Variants in PPP2R2C observed in about 807,000 individuals in gnomAD.
PPP2R2C encodes protein phosphatase 2 regulatory subunit Bgamma.
A neutral mutation model predicts 45.3 loss-of-function variants in PPP2R2C; 10 were observed. That is an observed-to-expected ratio of 0.22 (90% CI 0.14 to 0.37). PPP2R2C has a LOEUF of 0.37. PPP2R2C is among the 10% of genes least tolerant of loss of function. PPP2R2C has a pLI of 1.00. For synonymous variants in PPP2R2C, 257 were observed against 245.4 expected (o/e 1.05, Z -0.44); for missense variants, 308 against 619.7 (o/e 0.50, Z 5.34).
chr4:6,350,059 C>A (rs1712399159), intron 5 of PPP2R2C: 1 of 985,250 alleles, frequency 1.0e-6, no homozygotes, highest in Non-Finnish European at 1.2e-6. Flanking sequence ...AACTGAGAAT[C>A]ACATAAAAAT....
At chr4:6,350,028 G>A (rs564929414) in intron 5 of PPP2R2C, 31 of 985,326 alleles carry the variant, frequency 3.1e-5, no homozygotes, top group African/African-American at 3.0e-4. Context: ...CTTGCTTCCC[G>A]GAAGCACGTC....
intron 2 of PPP2R2C, among the ~76,000 whole-genome samples, chr4:6,533,493 C>T (rs1724474891): frequency 6.6e-6 from 1 of 152,184 alleles, no homozygotes; most frequent in African/African-American, 2.4e-5. Context: ...GCCTGGTACC[C>T]ACAGCCCCGA....
At chr4:6,541,617 G>A (rs1724804904) in intron 1 of PPP2R2C, among the ~76,000 whole-genome samples, 1 of 152,130 alleles carries the variant, frequency 6.6e-6, no homozygotes. Context: ...CGCGATCTCA[G>A]CTCACTGCAA....
intron 1 of PPP2R2C, among the ~76,000 whole-genome samples, chr4:6,394,067 G>A (rs1716849516): frequency 6.6e-6 from 1 of 152,206 alleles, no homozygotes; most frequent in Non-Finnish European, 1.5e-5. Context: ...CCCACCCCCA[G>A]TCACCTGGGC....
chr4:6,538,217 A>G (rs1724694065), intron 1 of PPP2R2C, among the ~76,000 whole-genome samples: 1 of 152,142 alleles, frequency 6.6e-6, no homozygotes, highest in African/African-American at 2.4e-5. Flanking sequence ...CACCCCTACA[A>G]GTTGAATGAC....
chr4:6,349,606 C>T lies in PPP2R2C; in HGVS notation c.626-1596G>A, dbSNP rs533708249. On this transcript the variant is annotated intron_variant, in intron 5 of 8. Transcript: ENST00000382599. ...TTGTAATCCCAGCACTTTGGGAGGC[C>T]GAGGCGGGCGGATCACGAGGTCAGG... The T allele has an allele frequency of 7.1e-6, 7 of 983,716 alleles. No individual in the cohort carries two copies. The South Asian group carries it at 1.9e-4, about 26-fold the overall frequency. 60.9% of individuals were successfully genotyped at this position (983,716 alleles called of 1,614,324 possible).
intron 2 of PPP2R2C, among the ~76,000 whole-genome samples, chr4:6,530,885 G>C (rs1339733039): frequency 6.6e-6 from 1 of 152,218 alleles, no homozygotes; most frequent in Non-Finnish European, 1.5e-5. Context: ...TTCTCCACCA[G>C]GCTGCTGTGC....
chr4:6,480,743 A>G (rs565497699), intron 2 of PPP2R2C, among the ~76,000 whole-genome samples: 2 of 152,330 alleles, frequency 1.3e-5, no homozygotes, highest in South Asian at 4.1e-4. Context: ...ACTGGAATAT[A>G]TACATATTTA....
At position 6,364,224 on chromosome 4, in the gene PPP2R2C, G is replaced by A. The variant is rs1714067512; in HGVS notation, c.625+8299C>T. Among the ~76,000 whole-genome samples the A allele has an allele frequency of 6.6e-6, 1 of 152,232 alleles. No individual in the cohort carries two copies. The highest frequency in any genetic ancestry group is 6.5e-5 in the Admixed American group (1 of 15,290). ...TTAAGAAGGTGTCCACTGAGTGGATGAGGATGGAGAAACTTCACAGGCGGA... is the reference window on the plus strand; with the variant it reads ...TTAAGAAGGTGTCCACTGAGTGGATAAGGATGGAGAAACTTCACAGGCGGA... On this transcript the variant is annotated intron_variant, in intron 5 of 8. Coordinates refer to ENST00000382599, the MANE Select transcript of PPP2R2C (RefSeq NM_020416.4). This position sits in a 1 kb window ranked among gnomAD's most constrained non-coding sequence, Gnocchi z 5.3.
At chr4:6,410,588 A>G (rs1246631234) in intron 1 of PPP2R2C, among the ~76,000 whole-genome samples, 1 of 152,016 alleles carries the variant, frequency 6.6e-6, no homozygotes, top group East Asian at 1.9e-4. Context: ...TGCAGCAGAA[A>G]TGTGTCTGGT....
exon 2 of PPP2R2C, chr4:6,535,309 G>T: frequency 6.5e-7 from 1 of 1,535,358 alleles, no homozygotes; most frequent in Non-Finnish European, 8.7e-7. Context: ...CAACGTGTCC[G>T]CCTCACGCAT....
At position 6,483,141 on chromosome 4, in the gene PPP2R2C, AGATT is replaced by A. The variant is rs57045507; in HGVS notation, c.49+52126_49+52129del. On this transcript the variant is annotated intron_variant, in intron 2 of 9. Coordinates refer to the PPP2R2C transcript ENST00000506140. ...TAGATAGATAGATAGATAGATAGAT[AGATT>A]GATTGATTGATAGATAGACGATAGA... Among the ~76,000 whole-genome samples, 873 of 88,304 alleles carry A rather than the reference AGATT, an allele frequency of 9.9e-3. 4 individuals carry two copies. The highest frequency in any genetic ancestry group is 0.044 in the Middle Eastern group (7 of 158). 57.9% of individuals were successfully genotyped at this position (88,304 alleles called of 152,430 possible). A position where few individuals can be genotyped will look rare whatever the true frequency, so the allele number is the denominator to read the frequency against.
At chr4:6,537,884 A>G (rs957602340) in intron 1 of PPP2R2C, among the ~76,000 whole-genome samples, 1 of 152,172 alleles carries the variant, frequency 6.6e-6, no homozygotes, top group African/African-American at 2.4e-5. Context: ...AACCAGTCGC[A>G]AAAGGACAAA....
intron 2 of PPP2R2C, among the ~76,000 whole-genome samples, chr4:6,533,502 G>A (rs1373263841): frequency 4.6e-5 from 7 of 152,246 alleles, no homozygotes; most frequent in African/African-American, 7.2e-5. Context: ...CCACAGCCCC[G>A]ATACCAGCCA....
chr4:6,518,275 G>A (rs2108811374), intron 2 of PPP2R2C, among the ~76,000 whole-genome samples: 1 of 152,076 alleles, frequency 6.6e-6, no homozygotes, highest in Non-Finnish European at 1.5e-5. Flanking sequence ...TAAATCCACA[G>A]TAAACACAAG....
chr4:6,381,193 G>C, intron 1 of PPP2R2C, 99 bp from the exon 2 acceptor site: 8 of 1,545,626 alleles, frequency 5.2e-6, no homozygotes, highest in Non-Finnish European at 7.0e-6. Flanking sequence ...CCCGCTCCCC[G>C]AGGCCCCACA....
chr4:6,322,098 TTGTCGTCGCCAAGTCTGCCA>T lies in PPP2R2C; in HGVS notation c.*1184_*1203del, dbSNP rs11271562. ...CCTGCGTCTCAGTTCTCCTGGACCC[TTGTCGTCGCCAAGTCTGCCA>T]TGTCCTACTTCACAAGACAGAGGCA... On this transcript the variant is annotated 3_prime_UTR_variant, in exon 9 of 9. Coordinates refer to ENST00000382599, the MANE Select transcript of PPP2R2C (RefSeq NM_020416.4). The surrounding 1 kb of genome is among the most constrained non-coding windows in gnomAD (Gnocchi z 7.8). 87,530 of 151,422 alleles carry T rather than the reference TTGTCGTCGCCAAGTCTGCCA, an allele frequency of 0.58. 26,080 individuals carry two copies. Among genetic ancestry groups the T allele is most frequent in the East Asian group, 0.91 (4,654 of 5,128 alleles). The allele number at this position is 151,422 out of a possible 1,614,324, so 9.4% of individuals were successfully genotyped here.
At chr4:6,532,397 A>C (rs1724434057) in intron 2 of PPP2R2C, among the ~76,000 whole-genome samples, 1 of 152,168 alleles carries the variant, frequency 6.6e-6, no homozygotes. Flanking sequence ...GCTGGGAAAT[A>C]ATTCCTGCCC....
At chr4:6,461,612 G>T (rs1721325098) in intron 1 of PPP2R2C, among the ~76,000 whole-genome samples, 1 of 152,236 alleles carries the variant, frequency 6.6e-6, no homozygotes, top group Admixed American at 6.5e-5. Flanking sequence ...CTCTGTGGAA[G>T]AGACTCCTGG....
Sources: allele counts gnomAD v4.1 joint callset (sites outside exome capture counted in the v4.1 genomes callset), GRCh38; gene constraint gnomAD v4.1.1; non-coding constraint Gnocchi (gnomAD v3.1); transcripts MANE v1.5; gene names NCBI Gene and HGNC (gene_info 2026-07-23, HGNC 2026-07-21).